Variants in KIAA0825 observed in about 807,000 individuals in gnomAD.
The protein encoded by KIAA0825 is uncharacterized protein KIAA0825.
KIAA0825 carries 119 observed loss-of-function variants against 147.6 expected under a neutral mutation model. That is an observed-to-expected ratio of 0.81 (90% CI 0.69 to 0.94). The LOEUF is 0.94. KIAA0825 is among the 40% of genes least tolerant of loss of function. The pLI is 0.00. For missense variants in KIAA0825, 1,381 were observed against 1,472.7 expected (o/e 0.94, Z 1.02); for synonymous variants, 470 against 518.1 (o/e 0.91, Z 1.26).
At chr5:94,211,607 C>T (rs1380115035) in intron 20 of KIAA0825, among the ~76,000 whole-genome samples, 1 of 152,162 alleles carries the variant, frequency 6.6e-6, no homozygotes, top group African/African-American at 2.4e-5. Flanking sequence ...TTTTACTTCT[C>T]CTTCTCATTC....
intron 5 of KIAA0825, among the ~76,000 whole-genome samples, chr5:94,516,123 A>T (rs149063834): frequency 2.0e-5 from 3 of 152,344 alleles, no homozygotes; most frequent in African/African-American, 7.2e-5. Context: ...CAAGATGTGG[A>T]TTAAGTCTAA....
chr5:94,517,175 C>T (rs1767401644), intron 5 of KIAA0825, among the ~76,000 whole-genome samples: 9 of 152,174 alleles, frequency 5.9e-5, no homozygotes, highest in Admixed American at 5.2e-4. Flanking sequence ...CAGCTTTTGA[C>T]ACAGAGTTTA....
At chr5:94,354,882 C>T (rs189254711) in intron 20 of KIAA0825, among the ~76,000 whole-genome samples, 3 of 152,280 alleles carry the variant, frequency 2.0e-5, no homozygotes, top group Non-Finnish European at 2.9e-5. Flanking sequence ...CATGACACAG[C>T]CCTCAGGAGG....
At chr5:94,479,844 G>A (rs1389318722) in intron 6 of KIAA0825, among the ~76,000 whole-genome samples, 1 of 152,090 alleles carries the variant, frequency 6.6e-6, no homozygotes, top group East Asian at 1.9e-4. Flanking sequence ...ACATGATGTT[G>A]AGCATCTTTT....
chr5:94,412,533 TG>T (rs1229776179), intron 15 of KIAA0825, among the ~76,000 whole-genome samples: 1 of 151,898 alleles, frequency 6.6e-6, no homozygotes, highest in Non-Finnish European at 1.5e-5. Context: ...CCCGAGTAGC[TG>T]GGATTACAGG....
intron 5 of KIAA0825, chr5:94,519,568 T>G (rs912904387): frequency 5.0e-6 from 3 of 596,076 alleles, no homozygotes; most frequent in African/African-American, 4.0e-5. Context: ...GTATACATCC[T>G]TATAGAAAAA....
chr5:94,314,982 C>T (rs552030554), intron 20 of KIAA0825, among the ~76,000 whole-genome samples: 18 of 151,616 alleles, frequency 1.2e-4, no homozygotes, highest in Admixed American at 5.9e-4. Context: ...TCATTGGCAG[C>T]GGACAGAGCT....
At chr5:94,519,558 G>A (rs925721963) in intron 5 of KIAA0825, 5 of 593,432 alleles carry the variant, frequency 8.4e-6, no homozygotes, top group African/African-American at 4.0e-5. Flanking sequence ...TCTTTTATTT[G>A]TATACATCCT....
At chr5:94,235,733 C>T (rs1294268880) in intron 20 of KIAA0825, among the ~76,000 whole-genome samples, 2 of 152,072 alleles carry the variant, frequency 1.3e-5, no homozygotes, top group African/African-American at 4.8e-5. Flanking sequence ...TTTTTTAAGG[C>T]TAATGCAGCT....
chr5:94,473,972 A>G (rs1584606591), intron 7 of KIAA0825, among the ~76,000 whole-genome samples: 1 of 152,244 alleles, frequency 6.6e-6, no homozygotes, highest in East Asian at 1.9e-4. Flanking sequence ...TTCAACTTTC[A>G]TTTCTTTTTC....
chr5:94,486,645 C>A (rs576947775), intron 5 of KIAA0825, among the ~76,000 whole-genome samples: 129 of 152,250 alleles, frequency 8.5e-4, no homozygotes, highest in Non-Finnish European at 1.6e-3. Context: ...TACTGTTCTT[C>A]TATGGGCATG....
intron 5 of KIAA0825, among the ~76,000 whole-genome samples, chr5:94,495,954 G>T (rs918366816): frequency 2.0e-5 from 3 of 152,170 alleles, no homozygotes; most frequent in African/African-American, 7.2e-5. Flanking sequence ...ATGAAGCTTT[G>T]TTTAATAAAC....
intron 20 of KIAA0825, among the ~76,000 whole-genome samples, chr5:94,279,117 T>C (rs1777348238): frequency 6.6e-6 from 1 of 152,064 alleles, no homozygotes; most frequent in South Asian, 2.1e-4. Flanking sequence ...TATGAATTAG[T>C]AACAGGCTGT....
At chr5:94,475,988 C>T (rs1436929686) in intron 7 of KIAA0825, among the ~76,000 whole-genome samples, 2 of 152,166 alleles carry the variant, frequency 1.3e-5, no homozygotes, top group Non-Finnish European at 1.5e-5. Context: ...CAAGAAAAAA[C>T]AGAATCACAT....
At chr5:94,500,400 TG>T (rs1764924581) in intron 5 of KIAA0825, among the ~76,000 whole-genome samples, 1 of 152,202 alleles carries the variant, frequency 6.6e-6, no homozygotes, top group South Asian at 2.1e-4. Context: ...GAGATAGACT[TG>T]GAAATATTTA....
At chr5:94,441,010 G>A (rs1359217913) in intron 13 of KIAA0825, among the ~76,000 whole-genome samples, 1 of 152,072 alleles carries the variant, frequency 6.6e-6, no homozygotes, top group Non-Finnish European at 1.5e-5. Context: ...AAGGGAAGGT[G>A]GACTGAGCAA....
At chr5:94,204,665 A>G (rs77907905) in intron 20 of KIAA0825, among the ~76,000 whole-genome samples, 1 of 152,204 alleles carries the variant, frequency 6.6e-6, no homozygotes, top group East Asian at 1.9e-4. Context: ...CTTCAAGAGA[A>G]ATGAAATGGA....
chr5:94,493,776 C>T (rs1484373467), intron 5 of KIAA0825, among the ~76,000 whole-genome samples: 8 of 152,098 alleles, frequency 5.3e-5, no homozygotes, highest in Non-Finnish European at 1.2e-4. Flanking sequence ...GGGTGAGTCA[C>T]CGCGCCTGGC....
chr5:94,176,802 A>G (rs1197644161), intron 20 of KIAA0825, among the ~76,000 whole-genome samples: 2 of 151,954 alleles, frequency 1.3e-5, no homozygotes, highest in Admixed American at 6.6e-5. Flanking sequence ...AAGAAGAACA[A>G]CCTAACCCTG....
Sources: gnomAD v4.1 joint callset for allele counts (sites outside exome capture counted in the v4.1 genomes callset) on GRCh38, gnomAD v4.1.1 for gene constraint, MANE v1.5 for transcripts, NCBI Gene and HGNC (gene_info 2026-07-23, HGNC 2026-07-21) for gene names.